Variants in ANK3 observed in about 807,000 individuals in gnomAD.
The protein encoded by ANK3 is ankyrin-3.
Under a neutral mutation model 370.9 loss-of-function variants are expected in ANK3, and 57 were observed. The ratio of observed to expected loss-of-function variants is 0.15; its 90% CI spans 0.12 to 0.19. The LOEUF (loss-of-function observed/expected upper bound fraction) is 0.19, where lower values mean the gene tolerates loss of function less well. Ranked by LOEUF, ANK3 falls within the 10% of genes least tolerant of loss-of-function variation. The pLI is 1.00. For missense variants in ANK3, 4,439 were observed against 5,302.1 expected, an observed-to-expected ratio of 0.84 and a Z score of 5.06; for synonymous variants, 1,929 against 1,946.3, an observed-to-expected ratio of 0.99 and a Z score of 0.23.
intron 23 of ANK3, chr10:60,140,273 ATT>A: frequency 1.4e-6 from 2 of 1,423,286 alleles, no homozygotes; most frequent in Non-Finnish European, 2.0e-6. Flanking sequence ...TTAAGTAACT[ATT>A]TACGGCTGGG....
intron 2 of ANK3, among the ~76,000 whole-genome samples, chr10:60,498,372 T>C (rs1023634046): frequency 2.0e-5 from 3 of 152,188 alleles, no homozygotes; most frequent in African/African-American, 7.2e-5. Context: ...TATTTTTATC[T>C]TTTGACTTCA....
intron 21 of ANK3, among the ~76,000 whole-genome samples, chr10:60,169,883 C>G (rs553674674): frequency 2.1e-4 from 32 of 152,240 alleles, no homozygotes; most frequent in African/African-American, 7.5e-4. Context: ...TACCCCCTAC[C>G]ATTGTGCCTC....
At chr10:60,687,535 A>C (rs12781584) in intron 1 of ANK3, among the ~76,000 whole-genome samples, 27,641 of 150,650 alleles carry the variant, frequency 0.18, 2,597 homozygotes, top group South Asian at 0.28. Context: ...TATAAAAAAA[A>C]ACACACACAC....
At chr10:60,555,990 C>T (rs1484161438) in intron 2 of ANK3, among the ~76,000 whole-genome samples, 2 of 152,206 alleles carry the variant, frequency 1.3e-5, no homozygotes, top group African/African-American at 4.8e-5. Context: ...AGTGGTATAG[C>T]TCACCTGGTA....
At chr10:60,624,942 C>T (rs78573967) in intron 1 of ANK3, among the ~76,000 whole-genome samples, 3 of 152,086 alleles carry the variant, frequency 2.0e-5, no homozygotes, top group African/African-American at 4.8e-5. Flanking sequence ...ATGAGAAGTA[C>T]GCGTGACTTC....
At chr10:60,390,783 A>G (rs114110443), upstream of ANK3, among the ~76,000 whole-genome samples, 732 of 119,710 alleles carry the variant, frequency 6.1e-3, 7 homozygotes, top group South Asian at 0.019. Flanking sequence ...AATTTCACCA[A>G]GAAAATGAGT....
intron 1 of ANK3, among the ~76,000 whole-genome samples, chr10:60,386,698 A>G (rs2062386696): frequency 6.6e-6 from 1 of 152,180 alleles, no homozygotes; most frequent in African/African-American, 2.4e-5. Context: ...GTGATATCCC[A>G]TACTATACGA....
chr10:60,215,024 T>C (rs1245978243), intron 8 of ANK3, among the ~76,000 whole-genome samples: 1 of 152,216 alleles, frequency 6.6e-6, no homozygotes. Context: ...CCAGCATCTA[T>C]TGTTTCCTGA....
intron 8 of ANK3, among the ~76,000 whole-genome samples, chr10:60,228,463 CG>C (rs1278076321): frequency 6.9e-6 from 1 of 144,776 alleles, no homozygotes; most frequent in Non-Finnish European, 1.5e-5. Flanking sequence ...ACCTGGGAGA[CG>C]GAGGTTGCAG....
intron 2 of ANK3, among the ~76,000 whole-genome samples, chr10:60,585,123 A>G (rs1038029794): frequency 6.6e-6 from 1 of 152,206 alleles, no homozygotes; most frequent in Non-Finnish European, 1.5e-5. Flanking sequence ...AGTACCTTCA[A>G]GCGAGATCCT....
intron 42 of ANK3, among the ~76,000 whole-genome samples, chr10:60,047,007 C>A (rs1046158657): frequency 2.3e-4 from 35 of 152,180 alleles, no homozygotes; most frequent in African/African-American, 7.9e-4. Flanking sequence ...CGGGGTTTCA[C>A]CGTGTTAGCC....
intron 8 of ANK3, among the ~76,000 whole-genome samples, chr10:60,218,294 ATTG>A (rs1236166592): frequency 6.6e-6 from 1 of 151,866 alleles, no homozygotes; most frequent in Non-Finnish European, 1.5e-5. Context: ...TAAGGTTAGT[ATTG>A]TTATATGTGA....
At chr10:60,134,634 A>G (rs1030040493) in intron 24 of ANK3, among the ~76,000 whole-genome samples, 4 of 152,220 alleles carry the variant, frequency 2.6e-5, no homozygotes, top group Admixed American at 2.0e-4. Flanking sequence ...ATGTTTCACT[A>G]TGAAGTTGAA....
chr10:60,368,913 G>A (rs77938911), intron 1 of ANK3, among the ~76,000 whole-genome samples: 15,857 of 152,098 alleles, frequency 0.1, 892 homozygotes, highest in South Asian at 0.13. Context: ...AAATCCTAAC[G>A]CTGACTGCTT....
At chr10:60,359,515 G>A (rs537824934) in intron 1 of ANK3, among the ~76,000 whole-genome samples, 24 of 152,130 alleles carry the variant, frequency 1.6e-4, no homozygotes, top group Non-Finnish European at 2.6e-4. Flanking sequence ...TCAGTTTGAG[G>A]TTCTTTTAAG....
chr10:60,464,573 G>C (rs1595081813), intron 2 of ANK3, among the ~76,000 whole-genome samples: 1 of 152,182 alleles, frequency 6.6e-6, no homozygotes, highest in African/African-American at 2.4e-5. Flanking sequence ...CCGATGTAAT[G>C]TGCTGAGAAA....
intron 21 of ANK3, among the ~76,000 whole-genome samples, chr10:60,170,961 T>C (rs547242536): frequency 2.0e-5 from 3 of 152,306 alleles, no homozygotes; most frequent in Admixed American, 6.5e-5. Flanking sequence ...ATTATATATT[T>C]ACTGCAATGA....
At chr10:60,713,663 G>C (rs2132017040) in intron 1 of ANK3, among the ~76,000 whole-genome samples, 2 of 152,212 alleles carry the variant, frequency 1.3e-5, no homozygotes, top group African/African-American at 4.8e-5. Flanking sequence ...GCCAAGGCGG[G>C]CAGATCACCT....
chr10:60,278,672 A>G (rs1431065970), intron 4 of ANK3, 102 bp downstream of exon 4: 4 of 921,904 alleles, frequency 4.3e-6, no homozygotes, highest in African/African-American at 1.6e-5. Context: ...GTTCTTAAGT[A>G]TTCTGTTCTT....
Sources: gnomAD v4.1 joint callset for allele counts (sites outside exome capture counted in the v4.1 genomes callset) on GRCh38, gnomAD v4.1.1 for gene constraint, MANE v1.5 for transcripts, NCBI Gene and HGNC (gene_info 2026-07-23, HGNC 2026-07-21) for gene names.